ENAH: variants seen among roughly 807,000 people sequenced by gnomAD.
ENAH encodes protein enabled homolog.
ENAH carries 23 observed loss-of-function variants against 78.7 expected under a neutral mutation model. The ratio of observed to expected loss-of-function variants is 0.29; its 90% CI spans 0.21 to 0.41. The LOEUF (loss-of-function observed/expected upper bound fraction) is 0.41, where lower values mean the gene tolerates loss of function less well. Ranked by LOEUF, ENAH falls within the 10% of genes least tolerant of loss-of-function variation. The pLI, the probability that ENAH is intolerant of heterozygous loss-of-function variation, is 1.00. For synonymous variants in ENAH, 226 were observed against 241.0 expected (o/e 0.94, Z 0.58); for missense variants, 544 against 691.0 (o/e 0.79, Z 2.39).
intron 3 of ENAH, among the ~76,000 whole-genome samples, chr1:225,547,146 A>T (rs1390491564): frequency 1.3e-5 from 2 of 151,620 alleles, no homozygotes; most frequent in Non-Finnish European, 2.9e-5. Flanking sequence ...ATCTCGGCTC[A>T]TTGCAACCTC....
rs962861412 is a variant in ENAH, at chr1:225,489,390, G to A, written c.*8385C>T. On this transcript the variant is annotated 3_prime_UTR_variant, in exon 14 of 14. Transcript: ENST00000366843. ...TGACACAGAACAGCACACCACTGGT[G>A]CTTTATGCAACACCACTGACCCCAA... The A allele has an allele frequency of 1.3e-5, 2 of 152,132 alleles. No homozygotes were observed. The highest frequency in any genetic ancestry group is 4.8e-5 in the African/African-American group (2 of 41,414). The allele number at this position is 152,132 out of a possible 1,614,324, so 9.4% of individuals were successfully genotyped here. A position where few individuals can be genotyped will look rare whatever the true frequency, so the allele number is the denominator to read the frequency against.
chr1:225,575,834 G>A (rs531467858), intron 1 of ENAH, among the ~76,000 whole-genome samples: 1 of 152,310 alleles, frequency 6.6e-6, no homozygotes, highest in Admixed American at 6.5e-5. Flanking sequence ...TGAGAGAAGT[G>A]GCCTGAAAAG....
rs2096206314 is a variant in ENAH, at chr1:225,487,821, A to G, written c.*9954T>C. 1 of 152,232 alleles carries G rather than the reference A, an allele frequency of 6.6e-6. No individual in the cohort carries two copies. The highest frequency in any genetic ancestry group is 1.5e-5 in the Non-Finnish European group (1 of 68,050). The allele number at this position is 152,232 out of a possible 1,614,324, so 9.4% of individuals were successfully genotyped here. A position where few individuals can be genotyped will look rare whatever the true frequency, so the allele number is the denominator to read the frequency against. On this transcript the variant is annotated 3_prime_UTR_variant, in exon 14 of 14. Coordinates refer to ENST00000366843, the MANE Select transcript of ENAH (RefSeq NM_018212.6). ...TGACAAGAGATTCCAATTCCAGCAT[A>G]TATTATGAAAGGTTATGGACTGTGA...
chr1:225,523,614 G>C (rs1201555986), intron 4 of ENAH, among the ~76,000 whole-genome samples: 4 of 152,078 alleles, frequency 2.6e-5, no homozygotes, highest in Non-Finnish European at 5.9e-5. Context: ...TTTTTAGCTT[G>C]CTTGCTGAAA....
intron 1 of ENAH, among the ~76,000 whole-genome samples, chr1:225,640,821 GAAATT>G (rs1271551406): frequency 6.6e-6 from 1 of 150,472 alleles, no homozygotes; most frequent in African/African-American, 2.4e-5. Context: ...TGCCAACACT[GAAATT>G]AAGTTAATTA....
intron 1 of ENAH, among the ~76,000 whole-genome samples, chr1:225,630,562 C>T (rs1010173813): frequency 1.3e-5 from 2 of 152,248 alleles, no homozygotes; most frequent in Middle Eastern, 3.4e-3. Flanking sequence ...CTATGTGAAA[C>T]ACTCGAAATG....
At chr1:225,582,164 C>T (rs180721329) in intron 1 of ENAH, among the ~76,000 whole-genome samples, 2 of 151,406 alleles carry the variant, frequency 1.3e-5, no homozygotes, top group African/African-American at 4.8e-5. Flanking sequence ...TCTTCCCCCC[C>T]TCTCTCTCTC....
intron 7 of ENAH, 100 bp downstream of exon 7, chr1:225,514,496 G>A: frequency 9.9e-7 from 1 of 1,011,066 alleles, no homozygotes; most frequent in Non-Finnish European, 1.5e-6. Context: ...AATCAATGAA[G>A]TTCATAACAT....
At position 225,646,736 on chromosome 1, in the gene ENAH, C is replaced by A. The variant is rs1188068678; in HGVS notation, c.5+5950G>T. Among the ~76,000 whole-genome samples the A allele has an allele frequency of 4.6e-5, 7 of 151,934 alleles. 1 individual carries two copies. Among genetic ancestry groups the A allele is most frequent in the Non-Finnish European group, 1.0e-4 (7 of 67,996 alleles). Reference sequence around the variant, plus strand: ...CCCGGGAGGCAGAGCTTGCAGTAACCTGAGATCGAGCCGCTGCAATCCAGC... The same window carrying A: ...CCCGGGAGGCAGAGCTTGCAGTAACATGAGATCGAGCCGCTGCAATCCAGC... On this transcript the variant is annotated intron_variant, in intron 1 of 13. Transcript: ENST00000366843.
chr1:225,643,348 C>T (rs1187489274), intron 1 of ENAH, among the ~76,000 whole-genome samples: 2 of 151,524 alleles, frequency 1.3e-5, no homozygotes, highest in Non-Finnish European at 2.9e-5. Context: ...TGAAGGTGAC[C>T]TGGTAGGACA....
chr1:225,552,375 T>C (rs2096645571), intron 3 of ENAH, among the ~76,000 whole-genome samples: 1 of 151,958 alleles, frequency 6.6e-6, no homozygotes, highest in African/African-American at 2.4e-5. Context: ...CCTGACCTCG[T>C]GATCCACCCG....
At chr1:225,531,241 G>A (rs1401254766) in intron 3 of ENAH, among the ~76,000 whole-genome samples, 2 of 151,944 alleles carry the variant, frequency 1.3e-5, no homozygotes, top group Non-Finnish European at 2.9e-5. Context: ...CTACTGAACT[G>A]AATTTTTAAT....
intron 3 of ENAH, among the ~76,000 whole-genome samples, chr1:225,543,863 T>C (rs1477016055): frequency 6.6e-6 from 1 of 152,182 alleles, no homozygotes; most frequent in Non-Finnish European, 1.5e-5. Flanking sequence ...TTCAACACCA[T>C]CTTCAAAAGA....
chr1:225,606,133 T>C (rs1193693854), intron 1 of ENAH, among the ~76,000 whole-genome samples: 1 of 152,068 alleles, frequency 6.6e-6, no homozygotes, highest in Non-Finnish European at 1.5e-5. Flanking sequence ...TATTAGACCA[T>C]TAAAAAAAAT....
At chr1:225,632,282 T>C (rs937862157) in intron 1 of ENAH, among the ~76,000 whole-genome samples, 2 of 152,118 alleles carry the variant, frequency 1.3e-5, no homozygotes, top group African/African-American at 2.4e-5. Flanking sequence ...GCAGATCACC[T>C]GAGGTCAGGA....
chr1:225,573,593 C>G (rs1278840719), intron 1 of ENAH, among the ~76,000 whole-genome samples: 1 of 151,884 alleles, frequency 6.6e-6, no homozygotes, highest in African/African-American at 2.4e-5. Context: ...AAGAAAGTGG[C>G]AGCAAAATCA....
rs755581780 is a variant in ENAH at position 225,513,001 on chromosome 1, A to G, written c.1234T>C (p.Phe412Leu). Residue 412 changes from phenylalanine (F) to leucine (L), a missense_variant, in exon 8 of 14, where the codon TTC becomes CTC. Phe to Leu is a conservative substitution (Grantham distance 22). Coordinates refer to ENST00000366843, the MANE Select transcript of ENAH (RefSeq NM_018212.6). ...CCAATAGCATTCCCTCCACTTGGGA[A>G]AGAGGTATCCTCCATCTTAATGAGA... The part of the protein sequence containing the change: ...RKVSRMEDTS[F>L]PSGGNAIGVN... 6.2e-7 allele frequency: 1 copy of G among 1,613,008 alleles called. No individual in the cohort carries two copies. The highest frequency in any genetic ancestry group is 8.5e-7 in the Non-Finnish European group (1 of 1,179,566).
intron 1 of ENAH, among the ~76,000 whole-genome samples, chr1:225,580,681 G>A (rs2096811760): frequency 6.6e-6 from 1 of 152,038 alleles, no homozygotes; most frequent in African/African-American, 2.4e-5. Flanking sequence ...ACTTTGGGAG[G>A]CCAAGGTGGG....
chr1:225,651,407 G>T (rs1662979454), intron 1 of ENAH, among the ~76,000 whole-genome samples: 1 of 151,750 alleles, frequency 6.6e-6, no homozygotes, highest in Non-Finnish European at 1.5e-5. Context: ...AAAAAAAAAT[G>T]AAAAGCAAAG....
Sources: gnomAD v4.1 joint callset for allele counts (sites outside exome capture counted in the v4.1 genomes callset) on GRCh38, gnomAD v4.1.1 for gene constraint, MANE v1.5 for transcripts, NCBI Gene and HGNC (gene_info 2026-07-23, HGNC 2026-07-21) for gene names.